The following GRIK2 variants were observed in gnomAD, a reference collection of about 807,000 sequenced individuals.
GRIK2 encodes glutamate receptor ionotropic, kainate 2.
Under a neutral mutation model 100.3 loss-of-function variants are expected in GRIK2, and 32 were observed. The observed-to-expected ratio is 0.32, with a 90% CI of 0.24 to 0.43. The LOEUF (loss-of-function observed/expected upper bound fraction) is 0.43. Among genes scored for constraint, GRIK2 ranks in the 20% least tolerant of loss-of-function variants. The pLI is 1.00. For synonymous variants in GRIK2, 417 were observed against 389.4 expected (o/e 1.07, Z -0.83); for missense variants, 843 against 1,114.9 (o/e 0.76, Z 3.47).
At chr6:101,711,617 G>A (rs893506839) in intron 7 of GRIK2, among the ~76,000 whole-genome samples, 1 of 151,776 alleles carries the variant, frequency 6.6e-6, no homozygotes, top group Non-Finnish European at 1.5e-5. Flanking sequence ...CTGAAGCAAA[G>A]CATTGAAATA....
At chr6:101,937,661 G>A (rs1790699082) in intron 14 of GRIK2, among the ~76,000 whole-genome samples, 1 of 151,558 alleles carries the variant, frequency 6.6e-6, no homozygotes, top group Non-Finnish European at 1.5e-5. Context: ...GCATCATTTG[G>A]TATTTTTAAA....
chr6:101,892,286 A>T (rs554290158), intron 12 of GRIK2, among the ~76,000 whole-genome samples: 2 of 152,304 alleles, frequency 1.3e-5, no homozygotes, highest in South Asian at 4.1e-4. Context: ...TTGAAGTTAG[A>T]TTCAAAGCAA....
At chr6:102,039,070 ATAT>A (rs1770432756) in intron 15 of GRIK2, among the ~76,000 whole-genome samples, 1 of 151,350 alleles carries the variant, frequency 6.6e-6, no homozygotes, top group Admixed American at 6.6e-5. Context: ...CCAAATTCAT[ATAT>A]TATCTTCTTA....
chr6:101,873,649 T>C (rs1299783466), intron 11 of GRIK2, among the ~76,000 whole-genome samples: 2 of 152,082 alleles, frequency 1.3e-5, no homozygotes, highest in Non-Finnish European at 2.9e-5. Context: ...TTTCTAGTTC[T>C]AGATCCTTGA....
Position 101,899,527 on chromosome 6 carries a change from A to G in GRIK2, c.1748+9664A>G, listed in dbSNP as rs190380790. On this transcript the variant is annotated intron_variant, in intron 12 of 16. Coordinates refer to ENST00000369134, the MANE Select transcript of GRIK2 (RefSeq NM_021956.5). The stretch of plus-strand genomic sequence containing the variant: ...TTTTAATACCTTCTAACTTATATAA[A>G]GGATGATTTTTCTCTTTCCCCGCCT... 2.0e-5 allele frequency among the ~76,000 whole-genome samples: 3 copies of G among 152,194 alleles called. No individual in the cohort carries two copies. In the East Asian group the frequency reaches 5.8e-4, roughly 29 times the overall value.
intron 2 of GRIK2, among the ~76,000 whole-genome samples, chr6:101,607,076 C>G (rs1371974145): frequency 2.0e-5 from 3 of 151,994 alleles, no homozygotes; most frequent in Non-Finnish European, 4.4e-5. Context: ...AATTCCATCT[C>G]TGCCTCTAGG....
chr6:101,654,244 C>T (rs543378977), intron 4 of GRIK2, among the ~76,000 whole-genome samples: 1 of 152,110 alleles, frequency 6.6e-6, no homozygotes, highest in East Asian at 1.9e-4. Flanking sequence ...CTAGTAGTGA[C>T]CCCCTGGTAC....
chr6:101,876,335 T>C (rs1397699735), intron 11 of GRIK2, among the ~76,000 whole-genome samples: 1 of 151,886 alleles, frequency 6.6e-6, no homozygotes, highest in Non-Finnish European at 1.5e-5. Context: ...AAGATTAATC[T>C]AAAAAAGAAT....
rs970029517 is a variant in GRIK2 at position 102,006,337 on chromosome 6, G to T, written c.2086-29004G>T. Among the ~76,000 whole-genome samples, 15 of 146,922 alleles carry T rather than the reference G, an allele frequency of 1.0e-4. No individual in the cohort carries two copies. The East Asian group carries it at 3.0e-3, about 29-fold the overall frequency. ...TAGTTAGGAAATGTTAGTAGAAAGG[G>T]TATTTGATTTGAGAAAAGATGATAA... On this transcript the variant is annotated intron_variant, in intron 14 of 16. Transcript: ENST00000369134.
chr6:101,815,341 CAAAG>C (rs1286310263), intron 9 of GRIK2, among the ~76,000 whole-genome samples: 2 of 152,066 alleles, frequency 1.3e-5, no homozygotes, highest in African/African-American at 4.8e-5. Flanking sequence ...AAGAAGAAAT[CAAAG>C]AGCCAATCAG....
intron 2 of GRIK2, among the ~76,000 whole-genome samples, chr6:101,507,382 T>C (rs1376787390): frequency 6.6e-6 from 1 of 152,118 alleles, no homozygotes; most frequent in East Asian, 1.9e-4. Flanking sequence ...ATACCCATGA[T>C]ATTATTTTAT....
intron 2 of GRIK2, among the ~76,000 whole-genome samples, chr6:101,619,103 A>G (rs973394257): frequency 3.3e-5 from 5 of 150,682 alleles, no homozygotes; most frequent in African/African-American, 9.7e-5. Flanking sequence ...TTTCTCCTCA[A>G]TAGTTTGTAA....
chr6:101,760,636 A>AATTATATATT (rs1562364569), intron 7 of GRIK2, among the ~76,000 whole-genome samples: 2 of 106,496 alleles, frequency 1.9e-5, no homozygotes, highest in African/African-American at 7.1e-5. Context: ...TTAATTATAT[A>AATTATATATT]TAATTATATA....
chr6:101,899,803 T>A (rs1322860347), intron 12 of GRIK2, among the ~76,000 whole-genome samples: 1 of 152,172 alleles, frequency 6.6e-6, no homozygotes, highest in Admixed American at 6.6e-5. Flanking sequence ...TCATCTAAGT[T>A]GGTTCAGAAT....
intron 14 of GRIK2, among the ~76,000 whole-genome samples, chr6:101,944,041 A>C (rs1292591507): frequency 6.6e-6 from 1 of 151,964 alleles, no homozygotes; most frequent in African/African-American, 2.4e-5. Flanking sequence ...GGCGGTTTTT[A>C]ATGGTTTAGC....
chr6:101,445,517 C>T (rs1271655151), intron 2 of GRIK2, among the ~76,000 whole-genome samples: 1 of 152,072 alleles, frequency 6.6e-6, no homozygotes, highest in African/African-American at 2.4e-5. Context: ...AAATGTTCAG[C>T]TTGTACTCCA....
chr6:101,636,545 A>G (rs1408369135), intron 4 of GRIK2, among the ~76,000 whole-genome samples: 2 of 152,210 alleles, frequency 1.3e-5, no homozygotes, highest in African/African-American at 4.8e-5. Flanking sequence ...ATTAAATAAT[A>G]GTGAATATTT....
intron 11 of GRIK2, among the ~76,000 whole-genome samples, chr6:101,878,937 C>A (rs1260460835): frequency 2.6e-5 from 4 of 151,964 alleles, no homozygotes; most frequent in Non-Finnish European, 5.9e-5. Flanking sequence ...GTAGTTTATA[C>A]CTACAGAGAT....
intron 14 of GRIK2, 42 bp downstream of exon 14, chr6:101,928,674 T>G: frequency 1.0e-6 from 1 of 981,684 alleles, no homozygotes; most frequent in South Asian, 1.3e-5. Flanking sequence ...ATTAAAATGA[T>G]AGAGCGCAAA....
Sources: allele counts gnomAD v4.1 joint callset (sites outside exome capture counted in the v4.1 genomes callset), GRCh38; gene constraint gnomAD v4.1.1; transcripts MANE v1.5; gene names NCBI Gene and HGNC (gene_info 2026-07-23, HGNC 2026-07-21).